Variants in SCUBE3 observed in about 807,000 individuals in gnomAD.
SCUBE3 encodes signal peptide, CUB domain and EGF like domain containing 3, also known as signal peptide, CUB and EGF-like domain-containing protein 3.
In SCUBE3, 33 loss-of-function variants were observed where a neutral mutation model predicts 116.8. The observed-to-expected ratio is 0.28, with a 90% CI of 0.21 to 0.38. SCUBE3 has a LOEUF of 0.38. Ranked by LOEUF, SCUBE3 falls within the 10% of genes least tolerant of loss-of-function variation. The pLI is 1.00. For missense variants in SCUBE3, 1,007 were observed against 1,324.8 expected (o/e 0.76, Z 3.72); for synonymous variants, 418 against 496.9 (o/e 0.84, Z 2.11).
chr6:35,231,717 C>T lies in SCUBE3; in HGVS notation c.335-8C>T. On this transcript the variant is annotated splice_polypyrimidine_tract_variant and splice_region_variant and intron_variant, in intron 3 of 21. Coordinates refer to ENST00000274938, the MANE Select transcript of SCUBE3 (RefSeq NM_152753.4). The surrounding 1 kb of genome is among the most constrained non-coding windows in gnomAD (Gnocchi z 4.2). ...CCCATGACCCCACTGACTACCTATCCTGCACAGATGTGGACGAGTGTGCCG... is the reference window on the plus strand; with the variant it reads ...CCCATGACCCCACTGACTACCTATCTTGCACAGATGTGGACGAGTGTGCCG... 1.2e-6 allele frequency: 2 copies of T among 1,606,814 alleles called. No homozygotes were observed. The highest frequency in any genetic ancestry group is 1.7e-6 in the Non-Finnish European group (2 of 1,174,410).
At chr6:35,227,832 T>A in intron 2 of SCUBE3, 130 bp downstream of exon 2, 1 of 874,552 alleles carries the variant, frequency 1.1e-6, no homozygotes, top group Non-Finnish European at 1.8e-6. Context: ...GGGGGGGTGG[T>A]GAGGGGGGCA....
chr6:35,241,399 T>G lies in SCUBE3; in HGVS notation c.1195+133T>G, dbSNP rs1784039980. The G allele has an allele frequency of 8.4e-7, 1 of 1,197,476 alleles. No individual in the cohort carries two copies. Among genetic ancestry groups the G allele is most frequent in the Non-Finnish European group, 1.2e-6 (1 of 822,974 alleles). The allele number at this position is 1,197,476 out of a possible 1,614,324, so 74.2% of individuals were successfully genotyped here. On this transcript the variant is annotated intron_variant, in intron 10 of 21. Transcript: ENST00000274938. This position sits in a 1 kb window ranked among gnomAD's most constrained non-coding sequence, Gnocchi z 4.1. ...GGTGGAGAATGTAGCCATTTTGAGT[T>G]AAAGACATGAAATTTGTAGTAAACA...
chr6:35,244,054 C>G lies in SCUBE3; in HGVS notation c.2163C>G (p.Thr721=). ...RGTYQPEAGR[T]LCFPCGGGLT... Reference sequence around the variant, plus strand: ...CCTACCAACCTGAAGCAGGACGGACCCTATGCTTCCCTTGTGGTGGGGGCC... The same window carrying G: ...CCTACCAACCTGAAGCAGGACGGACGCTATGCTTCCCTTGTGGTGGGGGCC... The change falls in exon 17 of 22, where the codon ACC becomes ACG. Residue 721 remains threonine, a synonymous_variant. Transcript: ENST00000274938. This position sits in a 1 kb window ranked among gnomAD's most constrained non-coding sequence, Gnocchi z 4.3. The G allele has an allele frequency of 6.2e-7, 1 of 1,613,956 alleles. No individual in the cohort carries two copies.
chr6:35,218,229 C>A, intron 1 of SCUBE3: 1 of 762,758 alleles, frequency 1.3e-6, no homozygotes. Context: ...TGTGCATTCA[C>A]ACACGTGTGA....
rs750783987 is a variant in SCUBE3 at position 35,242,713 on chromosome 6, T to C, written c.1626T>C (p.Pro542=). Residue 542 remains proline, a synonymous_variant, in exon 14 of 22, where the codon CCT becomes CCC. Coordinates refer to ENST00000274938, the MANE Select transcript of SCUBE3 (RefSeq NM_152753.4). ...RKGKGRRART[P]PGKEVTRLTL... ...GCAAGGGCCGACGGGCCCGGACCCC[T>C]CCAGGCAAAGAGGTCACAAGGCTCA... is the stretch of plus-strand genomic sequence containing the variant. The C allele has an allele frequency of 1.7e-5, 27 of 1,613,936 alleles. No homozygotes were observed. Among genetic ancestry groups the C allele is most frequent in the Middle Eastern group, 1.6e-4 (1 of 6,084 alleles).
At chr6:35,223,253 T>C (rs77709122) in intron 1 of SCUBE3, 28 of 152,308 alleles carry the variant, frequency 1.8e-4, no homozygotes, top group African/African-American at 6.7e-4. Context: ...CACACTGTGG[T>C]GTTAAGTACT....
intron 7 of SCUBE3, among the ~76,000 whole-genome samples, chr6:35,238,322 T>A (rs1358771853): frequency 6.6e-6 from 1 of 152,094 alleles, no homozygotes; most frequent in Non-Finnish European, 1.5e-5. Flanking sequence ...TGCTCCTGGG[T>A]CTGGAAGGAT....
At chr6:35,223,862 C>CT (rs1422079074) in intron 1 of SCUBE3, 2 of 152,204 alleles carry the variant, frequency 1.3e-5, no homozygotes, top group Non-Finnish European at 2.9e-5. Context: ...TCTTTCACAG[C>CT]TTTGTCTTAG....
chr6:35,244,700 C>G lies in SCUBE3; in HGVS notation c.2290C>G (p.Arg764Gly). 6.2e-7 allele frequency: 1 copy of G among 1,614,158 alleles called. No homozygotes were observed. Residue 764 changes from arginine (R) to glycine (G), a missense_variant, in exon 18 of 22, where the codon CGC becomes GGC. By Grantham distance (125) the Arg-to-Gly change is moderately radical (BLOSUM62 -2). Coordinates refer to ENST00000274938, the MANE Select transcript of SCUBE3 (RefSeq NM_152753.4). The surrounding 1 kb of genome is among the most constrained non-coding windows in gnomAD (Gnocchi z 4.3). ...YYNTSIHRCI[R>G]CAMGSYQPDF... ...CAACACCAGCATCCACCGCTGTATT[C>G]GCTGTGCCATGGGCTCCTATCAGCC...
Position 35,242,187 on chromosome 6 carries a change from T to G in SCUBE3, c.1418-17T>G, listed in dbSNP as rs779136663. 9 of 1,583,892 alleles carry G rather than the reference T, an allele frequency of 5.7e-6. No individual in the cohort carries two copies. The highest frequency in any genetic ancestry group is 1.3e-5 in the African/African-American group (1 of 74,272). ...ATGGGCATCCCATACTGTGCTGAGT[T>G]TCTACCATCCCTCTAGAGGCTGCAG... is the stretch of plus-strand genomic sequence containing the variant. On this transcript the variant is annotated splice_polypyrimidine_tract_variant and intron_variant, in intron 12 of 21. Coordinates refer to ENST00000274938, the MANE Select transcript of SCUBE3 (RefSeq NM_152753.4).
chr6:35,248,624 G>A lies in SCUBE3; in HGVS notation c.2901G>A (p.Glu967=), dbSNP rs769610305. 6 of 1,613,924 alleles carry A rather than the reference G, an allele frequency of 3.7e-6. No individual in the cohort carries two copies. The highest frequency in any genetic ancestry group is 3.3e-5 in the Admixed American group (2 of 59,998). ...AHPQNYFKYT[E]KHKEMLPKSF... The stretch of plus-strand genomic sequence containing the variant: ...CCCAGAACTACTTCAAGTACACAGA[G>A]AAACACAAGGAGATGCTGCCAAAAT... The change falls in exon 22 of 22, where the codon GAG becomes GAA. Residue 967 remains glutamate (E), a synonymous_variant. Coordinates refer to ENST00000274938, the MANE Select transcript of SCUBE3 (RefSeq NM_152753.4).
intron 1 of SCUBE3, chr6:35,223,709 G>A (rs1284465883): frequency 6.6e-6 from 1 of 152,236 alleles, no homozygotes; most frequent in African/African-American, 2.4e-5. Context: ...CCTGCATCCT[G>A]AGAGAACAGG....
In SCUBE3 at chr6:35,228,810, T is replaced by G. The variant is rs577823858; in HGVS notation, c.334+71T>G. ...AAGAGATCTTTTCAGCATTTCCTATTTCCCAGGGAAGGAGGAGAGAGTGAT... is the reference window on the plus strand; with the variant it reads ...AAGAGATCTTTTCAGCATTTCCTATGTCCCAGGGAAGGAGGAGAGAGTGAT... On this transcript the variant is annotated intron_variant, in intron 3 of 21. Transcript: ENST00000274938. This position sits in a 1 kb window ranked among gnomAD's most constrained non-coding sequence, Gnocchi z 4.9. 1 of 1,513,376 alleles carries G rather than the reference T, an allele frequency of 6.6e-7. No homozygotes were observed. The highest frequency in any genetic ancestry group is 1.4e-5 in the African/African-American group (1 of 73,090). 93.7% of individuals were successfully genotyped at this position (1,513,376 alleles called of 1,614,324 possible). A position where few individuals can be genotyped will look rare whatever the true frequency, so the allele number is the denominator to read the frequency against.
intron 3 of SCUBE3, among the ~76,000 whole-genome samples, chr6:35,229,796 T>G (rs1248920325): frequency 6.6e-6 from 1 of 152,174 alleles, no homozygotes; most frequent in Non-Finnish European, 1.5e-5. Flanking sequence ...GAAAAGGATT[T>G]GAAATTTGAA....
intron 6 of SCUBE3, among the ~76,000 whole-genome samples, chr6:35,236,607 C>G (rs1263876724): frequency 6.6e-6 from 1 of 152,180 alleles, no homozygotes. Flanking sequence ...ATTTGAGGGA[C>G]CAGGGCATGG....
intron 1 of SCUBE3, among the ~76,000 whole-genome samples, chr6:35,224,809 A>G (rs1414385758): frequency 6.6e-6 from 1 of 152,082 alleles, no homozygotes; most frequent in Non-Finnish European, 1.5e-5. Context: ...TCACAGGCAC[A>G]TACCTCTGAT....
Position 35,231,944 on chromosome 6 carries a change from C to A in SCUBE3, c.469+85C>A. The A allele has an allele frequency of 1.7e-6, 2 of 1,189,658 alleles. No homozygotes were observed. Among genetic ancestry groups the A allele is most frequent in the Non-Finnish European group, 2.4e-6 (2 of 838,198 alleles). The allele number at this position is 1,189,658 out of a possible 1,614,324, so 73.7% of individuals were successfully genotyped here. A position where few individuals can be genotyped will look rare whatever the true frequency, so the allele number is the denominator to read the frequency against. ...GTCCCTCAGCAGCCCCTAAGTCTCA[C>A]CCTCCATTCTCAACTCAGCTAGCTC... On this transcript the variant is annotated intron_variant, in intron 4 of 21. Transcript: ENST00000274938. This position sits in a 1 kb window ranked among gnomAD's most constrained non-coding sequence, Gnocchi z 4.2.
At position 35,246,114 on chromosome 6, in the gene SCUBE3, G is replaced by C; in HGVS notation, c.2752+18G>C. 1.9e-6 allele frequency: 3 copies of C among 1,613,902 alleles called. No individual in the cohort carries two copies. The highest frequency in any genetic ancestry group is 2.5e-6 in the Non-Finnish European group (3 of 1,179,830). ...CTATGATGGTAAGCCAAGGAGGTGG[G>C]TGAGAAGGGGAGGTATGTCAGTTTT... is the stretch of plus-strand genomic sequence containing the variant. On this transcript the variant is annotated intron_variant, in intron 20 of 21. Coordinates refer to ENST00000274938, the MANE Select transcript of SCUBE3 (RefSeq NM_152753.4).
Position 35,244,767 on chromosome 6 carries a change from C to A in SCUBE3, c.2357C>A (p.Thr786Lys). Reference sequence around the variant, plus strand: ...TTCTGCAGCCGCTGTCCAGGAAACACAAGCACAGACTTTGATGGCTCTACC... The same window carrying A: ...TTCTGCAGCCGCTGTCCAGGAAACAAAAGCACAGACTTTGATGGCTCTACC... ...QNFCSRCPGN[T>K]STDFDGSTSV... Residue 786 changes from threonine (T) to lysine (K), a missense_variant, in exon 18 of 22, where the codon ACA (threonine) becomes AAA (lysine). By Grantham distance (78) the Thr-to-Lys change is moderately conservative (BLOSUM62 -1). Transcript: ENST00000274938. The surrounding 1 kb of genome is among the most constrained non-coding windows in gnomAD (Gnocchi z 4.3). The A allele has an allele frequency of 6.2e-7, 1 of 1,614,252 alleles. No individual in the cohort carries two copies. The highest frequency in any genetic ancestry group is 1.1e-5 in the South Asian group (1 of 91,090).
Sources: allele counts gnomAD v4.1 joint callset (sites outside exome capture counted in the v4.1 genomes callset), GRCh38; gene constraint gnomAD v4.1.1; non-coding constraint Gnocchi (gnomAD v3.1); transcripts MANE v1.5; gene names NCBI Gene and HGNC (gene_info 2026-07-23, HGNC 2026-07-21).